ZNF644: variants seen among roughly 807,000 people sequenced by gnomAD.
ZNF644 encodes the protein zinc finger protein 644, also known as zinc finger motif enhancer binding protein 2.
In ZNF644, 20 loss-of-function variants were observed where a neutral mutation model predicts 108.0. The observed-to-expected ratio is 0.19, with a 90% CI of 0.13 to 0.27. The LOEUF is 0.27. Among genes scored for constraint, ZNF644 ranks in the 10% least tolerant of loss-of-function variants. The pLI, the probability that ZNF644 is intolerant of heterozygous loss-of-function variation, is 1.00. For synonymous variants in ZNF644, 542 were observed against 539.1 expected (o/e 1.01, Z -0.08); for missense variants, 1,338 against 1,548.9 (o/e 0.86, Z 2.29).
At chr1:91,004,213 G>A (rs1363852192) in intron 1 of ZNF644, among the ~76,000 whole-genome samples, 3 of 151,268 alleles carry the variant, frequency 2.0e-5, no homozygotes, top group African/African-American at 7.3e-5. Context: ...ATCCAAAAAA[G>A]CTCAAGGAAC....
chr1:91,014,630 T>C (rs190655432), intron 1 of ZNF644, among the ~76,000 whole-genome samples: 17 of 152,250 alleles, frequency 1.1e-4, no homozygotes, highest in Admixed American at 2.0e-4. Context: ...AGTCACTCAG[T>C]AAAGGGCAGC....
chr1:90,939,126 T>G lies in ZNF644; in HGVS notation c.2228A>C (p.Lys743Thr). The change falls in exon 3 of 6, where the codon AAA (lysine) becomes ACA (threonine). Residue 743 changes from lysine to threonine, a missense_variant. Transcript: ENST00000337393. ...TTTGATCATCCTATAGTTTTCATAT[T>G]TGTGTCTATACAAATAGTGGCTATT... ...KANSHYLYRH[K>T]YENYRMIKKS... is the part of the protein sequence containing the mutation. 6.2e-7 allele frequency: 1 copy of G among 1,613,824 alleles called. No homozygotes were observed. The highest frequency in any genetic ancestry group is 1.3e-5 in the African/African-American group (1 of 75,006).
At chr1:90,923,913 G>A (rs969677215) in intron 4 of ZNF644, among the ~76,000 whole-genome samples, 3 of 152,144 alleles carry the variant, frequency 2.0e-5, no homozygotes, top group Non-Finnish European at 2.9e-5. Flanking sequence ...ATAGTTCAGA[G>A]AAAGAGTTAA....
At position 90,916,956 on chromosome 1, in the gene ZNF644, C is replaced by T. The variant is rs929307272; in HGVS notation, c.3826G>A (p.Val1276Ile). ...CGLVFRGPLS[V>I]QEDWIKHLQR... ...AAGTGCTTAATCCAGTCTTCCTGAACAGACAAGGGTCCTCGAAAGACTAGG... is the reference window on the plus strand; with the variant it reads ...AAGTGCTTAATCCAGTCTTCCTGAATAGACAAGGGTCCTCGAAAGACTAGG... The change falls in exon 6 of 6, where the codon GTT (valine) becomes ATT (isoleucine). Residue 1276 changes from valine (V) to isoleucine (I), a missense_variant. This residue lies in a region of ZNF644 where 34 missense variants were observed against 78.6 expected (regional missense o/e 0.43). Coordinates refer to ENST00000337393, the MANE Select transcript of ZNF644 (RefSeq NM_201269.3). The T allele has an allele frequency of 1.5e-5, 24 of 1,614,044 alleles. No individual in the cohort carries two copies. Among genetic ancestry groups the T allele is most frequent in the Non-Finnish European group, 1.9e-5 (23 of 1,180,032 alleles).
chr1:91,015,918 C>T (rs958878754), intron 1 of ZNF644, among the ~76,000 whole-genome samples: 1 of 152,180 alleles, frequency 6.6e-6, no homozygotes, highest in African/African-American at 2.4e-5. Context: ...TGCCAGAAAG[C>T]TAAGGACTTT....
chr1:90,963,970 T>C (rs986188880), intron 2 of ZNF644, among the ~76,000 whole-genome samples: 4 of 152,166 alleles, frequency 2.6e-5, no homozygotes, highest in African/African-American at 9.7e-5. Flanking sequence ...TAGCTATATA[T>C]GTGACCCTAG....
chr1:90,985,220 G>A (rs886273901), intron 1 of ZNF644, among the ~76,000 whole-genome samples: 1 of 151,650 alleles, frequency 6.6e-6, no homozygotes, highest in African/African-American at 2.4e-5. Context: ...CTATTTATGG[G>A]GTACAATGTG....
chr1:90,947,707 G>A (rs187011077), intron 2 of ZNF644, among the ~76,000 whole-genome samples: 2 of 152,204 alleles, frequency 1.3e-5, no homozygotes, highest in Non-Finnish European at 2.9e-5. Context: ...AGCATATACA[G>A]ATGCTCCTTT....
intron 4 of ZNF644, among the ~76,000 whole-genome samples, chr1:90,930,536 A>G (rs912679309): frequency 3.3e-5 from 5 of 152,114 alleles, no homozygotes; most frequent in African/African-American, 1.2e-4. Flanking sequence ...GTCAGTACCA[A>G]CCCCTAAGAG....
intron 1 of ZNF644, among the ~76,000 whole-genome samples, chr1:90,987,651 A>G (rs1402428402): frequency 1.3e-5 from 2 of 151,976 alleles, no homozygotes; most frequent in African/African-American, 4.8e-5. Flanking sequence ...AGAATTCAAA[A>G]GAAGGGAATA....
intron 1 of ZNF644, among the ~76,000 whole-genome samples, chr1:91,015,706 A>T (rs1660373021): frequency 6.6e-6 from 1 of 152,218 alleles, no homozygotes; most frequent in Admixed American, 6.5e-5. Flanking sequence ...CAGAGAAGGC[A>T]CACTTTGATG....
chr1:91,015,572 C>A (rs1018590116), intron 1 of ZNF644, among the ~76,000 whole-genome samples: 6 of 152,192 alleles, frequency 3.9e-5, no homozygotes, highest in African/African-American at 1.4e-4. Context: ...CAAACCAATG[C>A]ACTGGCTGGG....
rs144546476 is a variant in ZNF644 at position 90,997,688 on chromosome 1, G to A, written c.-17-15318C>T. Among the ~76,000 whole-genome samples the A allele has an allele frequency of 1.4e-3, 217 of 152,270 alleles. 1 individual carries two copies. Among genetic ancestry groups the A allele is most frequent in the African/African-American group, 5.0e-3 (207 of 41,576 alleles). ...ATTGAGGTACCGGGTTCATCTCACT[G>A]GGGAGTGGTGGACAGTGGGTGCAGC... On this transcript the variant is annotated intron_variant, in intron 1 of 5. Transcript: ENST00000337393.
intron 1 of ZNF644, among the ~76,000 whole-genome samples, chr1:91,019,350 C>T (rs549323917): frequency 9.2e-5 from 14 of 152,336 alleles, no homozygotes; most frequent in African/African-American, 3.4e-4. Context: ...TACATAATAA[C>T]TGGCAATAAC....
At chr1:90,986,668 A>G (rs1233731024) in intron 1 of ZNF644, among the ~76,000 whole-genome samples, 1 of 152,072 alleles carries the variant, frequency 6.6e-6, no homozygotes, top group Non-Finnish European at 1.5e-5. Context: ...TATTGTAAAT[A>G]TGCTGAAGAG....
intron 5 of ZNF644, among the ~76,000 whole-genome samples, chr1:90,917,374 C>T (rs950678905): frequency 6.6e-5 from 10 of 152,066 alleles, no homozygotes; most frequent in Admixed American, 3.3e-4. Context: ...AGTGTGAGTA[C>T]GGAAGAAGGC....
chr1:91,011,186 A>C (rs1196739984), intron 1 of ZNF644, among the ~76,000 whole-genome samples: 1 of 152,218 alleles, frequency 6.6e-6, no homozygotes, highest in Non-Finnish European at 1.5e-5. Context: ...AGAAAAGTTG[A>C]CAGGTGAGAT....
At chr1:90,988,958 G>A (rs911240182) in intron 1 of ZNF644, among the ~76,000 whole-genome samples, 5 of 152,008 alleles carry the variant, frequency 3.3e-5, no homozygotes, top group South Asian at 2.1e-4. Flanking sequence ...GGAAGGCTTC[G>A]GGACACTGGA....
chr1:91,016,079 T>C (rs763705487), intron 1 of ZNF644, among the ~76,000 whole-genome samples: 2 of 152,214 alleles, frequency 1.3e-5, no homozygotes, highest in Non-Finnish European at 2.9e-5. Flanking sequence ...CCTCTTTATA[T>C]ATGCATAATT....
Sources: gnomAD v4.1 joint callset for allele counts (sites outside exome capture counted in the v4.1 genomes callset) on GRCh38, gnomAD v4.1.1 for gene constraint, gnomAD v4.1.1 regional missense constraint, MANE v1.5 for transcripts, NCBI Gene and HGNC (gene_info 2026-07-23, HGNC 2026-07-21) for gene names.